Variants in LETM1 observed in about 807,000 individuals in gnomAD.
LETM1 encodes leucine zipper and EF-hand containing transmembrane protein 1, also known as mitochondrial proton/calcium exchanger protein.
In LETM1, 50 loss-of-function variants were observed where a neutral mutation model predicts 74.5. The ratio of observed to expected loss-of-function variants is 0.67; its 90% CI spans 0.53 to 0.85. The LOEUF is 0.85. Among genes scored for constraint, LETM1 ranks in the 40% least tolerant of loss-of-function variants. The pLI is 0.00. For synonymous variants in LETM1, 446 were observed against 407.1 expected (o/e 1.10, Z -1.15); for missense variants, 824 against 967.8 (o/e 0.85, Z 1.97).
At chr4:1,835,070 C>A in intron 4 of LETM1, 88 bp from the exon 5 acceptor site, 1 of 1,262,412 alleles carries the variant, frequency 7.9e-7, no homozygotes, top group Non-Finnish European at 1.1e-6. Context: ...CCGACCCCCA[C>A]TCCCAGAAAC....
At position 1,836,324 on chromosome 4, in the gene LETM1, A is replaced by G; in HGVS notation, c.738+105T>C. ...CAGCACAAGGACAATATGAAGATAC[A>G]TAAAGTCTCAAAAATATCTAGCACC... On this transcript the variant is annotated intron_variant, in intron 4 of 13. Transcript: ENST00000302787. This position sits in a 1 kb window ranked among gnomAD's most constrained non-coding sequence, Gnocchi z 5.8. The G allele has an allele frequency of 5.4e-6, 6 of 1,113,388 alleles. No homozygotes were observed. Among genetic ancestry groups the G allele is most frequent in the Non-Finnish European group, 8.1e-6 (6 of 744,836 alleles). 69.0% of individuals were successfully genotyped at this position (1,113,388 alleles called of 1,614,324 possible).
intron 1 of LETM1, among the ~76,000 whole-genome samples, chr4:1,851,399 G>C (rs1169349741): frequency 2.0e-5 from 3 of 152,120 alleles, no homozygotes; most frequent in Admixed American, 2.0e-4. Context: ...AAGATGGGGA[G>C]GGCAGGCACT....
At position 1,836,219 on chromosome 4, in the gene LETM1, A is replaced by AAAAT. The variant is rs576104116; in HGVS notation, c.738+206_738+209dup. 2.6e-3 allele frequency among the ~76,000 whole-genome samples: 400 copies of AAAAT among 152,274 alleles called. 2 individuals carry two copies. Among genetic ancestry groups the AAAAT allele is most frequent in the African/African-American group, 7.8e-3 (326 of 41,544 alleles). On this transcript the variant is annotated intron_variant, in intron 4 of 13. Coordinates refer to ENST00000302787, the MANE Select transcript of LETM1 (RefSeq NM_012318.3). This position sits in a 1 kb window ranked among gnomAD's most constrained non-coding sequence, Gnocchi z 5.8. ...GGTGACAGAGCGAGACCCTGTTTCA[A>AAAAT]AAATAAATAAATAAATAAATAAATA...
intron 11 of LETM1, among the ~76,000 whole-genome samples, chr4:1,818,631 A>G (rs1012100754): frequency 6.6e-6 from 1 of 152,014 alleles, no homozygotes; most frequent in African/African-American, 2.4e-5. Flanking sequence ...AAAAAAAGAA[A>G]GAAAGAAAGA....
chr4:1,838,995 C>T (rs540332038), intron 3 of LETM1, among the ~76,000 whole-genome samples: 2 of 152,282 alleles, frequency 1.3e-5, no homozygotes, highest in African/African-American at 2.4e-5. Flanking sequence ...ACTAATTGAG[C>T]TTCTAGAGTT....
intron 2 of LETM1, chr4:1,846,511 C>G (rs375463828): frequency 6.6e-6 from 1 of 152,120 alleles, no homozygotes; most frequent in African/African-American, 2.4e-5. Context: ...GTGATCTTCC[C>G]GACTCAGCCT....
Position 1,815,876 on chromosome 4 carries a change from G to A in LETM1, c.1932-74C>T, listed in dbSNP as rs142322357. On this transcript the variant is annotated intron_variant, in intron 12 of 13. Transcript: ENST00000302787. ...CAGGGCCTCACTGCCCACACCTGTG[G>A]CTGCAAGTGGTCAGCACTGACACAG... 1,909 of 1,572,146 alleles carry A rather than the reference G, an allele frequency of 1.2e-3. 20 individuals carry two copies. The African/African-American group carries it at 0.023, about 19-fold the overall frequency.
intron 6 of LETM1, among the ~76,000 whole-genome samples, chr4:1,828,978 C>A (rs1712143719): frequency 9.6e-6 from 1 of 103,790 alleles, no homozygotes; most frequent in African/African-American, 4.2e-5. Context: ...GGCGGCTGGC[C>A]GGGCAGGGGG....
At chr4:1,819,257 GTATTATGTA>G (rs1026283971) in intron 11 of LETM1, 72 bp downstream of exon 11, 417 of 1,367,348 alleles carry the variant, frequency 3.0e-4, no homozygotes, top group Non-Finnish European at 3.8e-4. Context: ...TCTGACGGAA[GTATTATGTA>G]TACTTTTGGG....
chr4:1,828,678 G>A lies in LETM1; in HGVS notation c.1081-2995C>T, dbSNP rs1416781959. 1.4e-3 allele frequency among the ~76,000 whole-genome samples: 171 copies of A among 125,610 alleles called. 2 individuals are homozygous for A. Among genetic ancestry groups the A allele is most frequent in the South Asian group, 4.6e-3 (18 of 3,900 alleles). 82.4% of individuals were successfully genotyped at this position (125,610 alleles called of 152,430 possible). A position where few individuals can be genotyped will look rare whatever the true frequency, so the allele number is the denominator to read the frequency against. ...TCCCGGACGGGGCAGCTGGCTGGGCGGGGGGCTGACCCCCCAACCTCCCTC... is the reference window on the plus strand; with the variant it reads ...TCCCGGACGGGGCAGCTGGCTGGGCAGGGGGCTGACCCCCCAACCTCCCTC... On this transcript the variant is annotated intron_variant, in intron 6 of 13. Transcript: ENST00000302787.
At chr4:1,825,238 C>T in intron 7 of LETM1, among the ~76,000 whole-genome samples, 1 of 152,190 alleles carries the variant, frequency 6.6e-6, no homozygotes, top group East Asian at 1.9e-4. Context: ...TGAACACGTC[C>T]GACATCTCAG....
Position 1,826,930 on chromosome 4 carries a change from T to C in LETM1, c.1081-1247A>G, listed in dbSNP as rs182039070. Among the ~76,000 whole-genome samples, 945 of 152,226 alleles carry C rather than the reference T, an allele frequency of 6.2e-3. 6 individuals carry two copies. The highest frequency in any genetic ancestry group is 0.011 in the Non-Finnish European group (722 of 68,010). ...TCGGCGCTCCACCCACGAAGGCAAG[T>C]GCTGAAGCTTCCCCTCCGTCTGTTC... On this transcript the variant is annotated intron_variant, in intron 6 of 13. Transcript: ENST00000302787.
At chr4:1,814,848 C>G (rs370252381) in intron 13 of LETM1, among the ~76,000 whole-genome samples, 7 of 152,174 alleles carry the variant, frequency 4.6e-5, no homozygotes, top group East Asian at 3.9e-4. Context: ...AGTTCCTGCT[C>G]TGGCCAGGAA....
chr4:1,849,779 C>T (rs1713006987), intron 1 of LETM1, among the ~76,000 whole-genome samples: 1 of 152,238 alleles, frequency 6.6e-6, no homozygotes, highest in African/African-American at 2.4e-5. Context: ...AACTTTTGGC[C>T]TCGAGCGACC....
At chr4:1,843,456 A>G (rs1434255950) in intron 2 of LETM1, among the ~76,000 whole-genome samples, 1 of 152,224 alleles carries the variant, frequency 6.6e-6, no homozygotes, top group Non-Finnish European at 1.5e-5. Flanking sequence ...TAGAGCGAGC[A>G]CACACCAGGA....
chr4:1,851,484 A>G (rs1713070260), intron 1 of LETM1, among the ~76,000 whole-genome samples: 1 of 152,210 alleles, frequency 6.6e-6, no homozygotes, highest in Non-Finnish European at 1.5e-5. Flanking sequence ...TCTGTGGGGA[A>G]GGAAATTCCT....
Position 1,849,132 on chromosome 4 carries a change from G to T in LETM1, c.143+17C>A, listed in dbSNP as rs1318260050. 6.3e-7 allele frequency: 1 copy of T among 1,590,442 alleles called. No homozygotes were observed. The highest frequency in any genetic ancestry group is 8.6e-7 in the Non-Finnish European group (1 of 1,158,258). On this transcript the variant is annotated intron_variant, in intron 2 of 13. Transcript: ENST00000302787. ...GTTTTCAAACAGACAGGTGCAGAGT[G>T]ATACTGATTTACTCACAGGCAGTTC... is the stretch of plus-strand genomic sequence containing the variant.
At position 1,832,897 on chromosome 4, in the gene LETM1, G is replaced by C. The variant is rs1005961210; in HGVS notation, c.927C>G (p.Ser309=). The C allele has an allele frequency of 3.1e-6, 5 of 1,613,158 alleles. No individual in the cohort carries two copies. The South Asian group carries it at 5.5e-5, about 18-fold the overall frequency. Residue 309 remains serine (S), a synonymous_variant, in exon 6 of 14, where the codon TCC becomes TCG. Transcript: ENST00000302787. ...GGGTCAGCTCATCCTCAAATAATTT[G>C]GAAAAACGCATGATTTCCTCATTGC... is the stretch of plus-strand genomic sequence containing the variant. ...RPSNEEIMRF[S]KLFEDELTLD...
chr4:1,835,712 C>T (rs1247185477), intron 4 of LETM1, among the ~76,000 whole-genome samples: 1 of 152,112 alleles, frequency 6.6e-6, no homozygotes, highest in East Asian at 1.9e-4. Context: ...GCTGGCTGAC[C>T]CTGCCCTAGA....
Sources: allele counts gnomAD v4.1 joint callset (sites outside exome capture counted in the v4.1 genomes callset), GRCh38; gene constraint gnomAD v4.1.1; non-coding constraint Gnocchi (gnomAD v3.1); transcripts MANE v1.5; gene names NCBI Gene and HGNC (gene_info 2026-07-23, HGNC 2026-07-21).